CAMTA1: variants seen among roughly 807,000 people sequenced by gnomAD.
CAMTA1 encodes calmodulin-binding transcription activator 1.
CAMTA1 carries 27 observed loss-of-function variants against 170.9 expected under a neutral mutation model. The observed-to-expected ratio is 0.16, with a 90% CI of 0.12 to 0.22. CAMTA1 has a LOEUF of 0.22. Among genes scored for constraint, CAMTA1 ranks in the 10% least tolerant of loss-of-function variants. The pLI, the probability that CAMTA1 is intolerant of heterozygous loss-of-function variation, is 1.00. For synonymous variants in CAMTA1, 833 were observed against 891.5 expected, an observed-to-expected ratio of 0.93 and a Z score of 1.17; for missense variants, 1,619 against 2,217.2, an observed-to-expected ratio of 0.73 and a Z score of 5.42.
chr1:7,318,921 C>T (rs1677947570), intron 5 of CAMTA1, among the ~76,000 whole-genome samples: 1 of 152,186 alleles, frequency 6.6e-6, no homozygotes, highest in Non-Finnish European at 1.5e-5. Flanking sequence ...AAACCGGGAA[C>T]ATATGAAGGC....
intron 3 of CAMTA1, among the ~76,000 whole-genome samples, chr1:6,914,933 C>T (rs984343507): frequency 1.3e-5 from 2 of 152,226 alleles, no homozygotes; most frequent in Admixed American, 1.3e-4. Context: ...AGAATCACTG[C>T]TGAATTCTAA....
chr1:7,713,635 C>T (rs2096587764), intron 11 of CAMTA1, among the ~76,000 whole-genome samples: 1 of 152,128 alleles, frequency 6.6e-6, no homozygotes, highest in Non-Finnish European at 1.5e-5. Context: ...ATCAATAGCT[C>T]GTGGGAAATG....
intron 3 of CAMTA1, among the ~76,000 whole-genome samples, chr1:6,980,385 C>T (rs972796065): frequency 5.9e-5 from 9 of 152,160 alleles, no homozygotes; most frequent in African/African-American, 4.8e-5. Context: ...TTTAGGGACT[C>T]TGCACTGCAT....
chr1:7,025,036 A>G (rs1452295987), intron 3 of CAMTA1, among the ~76,000 whole-genome samples: 1 of 152,234 alleles, frequency 6.6e-6, no homozygotes, highest in Non-Finnish European at 1.5e-5. Context: ...TGCTGGATTA[A>G]TAACCTGGGG....
intron 7 of CAMTA1, 21 bp from the exon 8 acceptor site, chr1:7,661,705 C>A (rs747160757): frequency 1.9e-6 from 3 of 1,613,802 alleles, no homozygotes; most frequent in Non-Finnish European, 8.5e-7. Flanking sequence ...TCTGACAGCC[C>A]CCCTGCCTCT....
chr1:7,649,796 TG>T (rs1027119257), intron 7 of CAMTA1, among the ~76,000 whole-genome samples: 6 of 152,286 alleles, frequency 3.9e-5, no homozygotes, highest in Admixed American at 6.5e-5. Context: ...GCCCCTGTGC[TG>T]GTGTTGGGGA....
chr1:7,409,871 T>G (rs2090585480), intron 5 of CAMTA1, among the ~76,000 whole-genome samples: 1 of 152,194 alleles, frequency 6.6e-6, no homozygotes, highest in South Asian at 2.1e-4. Flanking sequence ...GACAAATCAT[T>G]GCAGGGTCTT....
At chr1:7,230,319 A>C (rs1662497724) in intron 4 of CAMTA1, among the ~76,000 whole-genome samples, 1 of 151,806 alleles carries the variant, frequency 6.6e-6, no homozygotes, top group Admixed American at 6.6e-5. Flanking sequence ...GTGGAAGAGG[A>C]AGAAAGAGTC....
intron 3 of CAMTA1, among the ~76,000 whole-genome samples, chr1:6,866,195 T>G (rs1666512115): frequency 6.6e-6 from 1 of 152,216 alleles, no homozygotes; most frequent in African/African-American, 2.4e-5. Flanking sequence ...CCTGGAAGAT[T>G]TATCAAAAAC....
intron 4 of CAMTA1, among the ~76,000 whole-genome samples, chr1:7,162,128 G>A (rs1647321366): frequency 6.6e-6 from 1 of 152,300 alleles, no homozygotes; most frequent in Non-Finnish European, 1.5e-5. Flanking sequence ...TAGAAAGAAG[G>A]CCAGGGCTTC....
At chr1:7,701,338 C>T (rs764556595) in intron 11 of CAMTA1, among the ~76,000 whole-genome samples, 2 of 152,198 alleles carry the variant, frequency 1.3e-5, no homozygotes, top group Non-Finnish European at 2.9e-5. Flanking sequence ...TCCTCCTCTG[C>T]AACAGGATCC....
chr1:7,522,993 A>C (rs924043102), intron 6 of CAMTA1, among the ~76,000 whole-genome samples: 2 of 152,114 alleles, frequency 1.3e-5, no homozygotes, highest in Non-Finnish European at 2.9e-5. Flanking sequence ...CAGCCTTCTG[A>C]GTAGCTAGAA....
chr1:7,518,491 C>A (rs533982849), intron 6 of CAMTA1, among the ~76,000 whole-genome samples: 1 of 152,016 alleles, frequency 6.6e-6, no homozygotes, highest in Admixed American at 6.5e-5. Context: ...GAAGTCCCCC[C>A]ACGGGGCAGT....
chr1:7,203,459 G>A (rs1328727421), intron 4 of CAMTA1, among the ~76,000 whole-genome samples: 7 of 148,668 alleles, frequency 4.7e-5, no homozygotes, highest in Non-Finnish European at 7.4e-5. Flanking sequence ...GTGGTAAAGC[G>A]ACCTGGGCAT....
At chr1:7,215,366 A>G (rs1200888168) in intron 4 of CAMTA1, among the ~76,000 whole-genome samples, 1 of 152,218 alleles carries the variant, frequency 6.6e-6, no homozygotes, top group Non-Finnish European at 1.5e-5. Context: ...TGTTTTAAAT[A>G]TGTCTCATAA....
At chr1:6,914,289 A>T (rs1334334371) in intron 3 of CAMTA1, among the ~76,000 whole-genome samples, 1 of 151,982 alleles carries the variant, frequency 6.6e-6, no homozygotes, top group Non-Finnish European at 1.5e-5. Context: ...TTTTTAGTAG[A>T]GATGGGGTTT....
chr1:7,259,334 C>T (rs539570160), intron 5 of CAMTA1, among the ~76,000 whole-genome samples: 126 of 152,276 alleles, frequency 8.3e-4, no homozygotes, highest in Middle Eastern at 3.4e-3. Flanking sequence ...AACCTGAGAC[C>T]GGCGCAAATA....
rs200985898 is a variant in CAMTA1 at position 6,847,866 on chromosome 1, C to T, written c.234+22656C>T. ...TTACAGGCACGCATGTGGCACCCAG[C>T]TAATTTTTTTTTTTTTTTGTATTTT... On this transcript the variant is annotated intron_variant, in intron 3 of 22. Transcript: ENST00000303635. 3.0e-4 allele frequency among the ~76,000 whole-genome samples: 41 copies of T among 136,406 alleles called. No homozygotes were observed. In the East Asian group the frequency reaches 7.9e-3, roughly 26 times the overall value. 89.5% of individuals were successfully genotyped at this position (136,406 alleles called of 152,430 possible). A position where few individuals can be genotyped will look rare whatever the true frequency, so the allele number is the denominator to read the frequency against.
At chr1:6,912,345 C>A (rs1679901152) in intron 3 of CAMTA1, among the ~76,000 whole-genome samples, 1 of 152,172 alleles carries the variant, frequency 6.6e-6, no homozygotes, top group South Asian at 2.1e-4. Context: ...CCCTTTGTTT[C>A]TGAATGAGAA....
Sources: gnomAD v4.1 joint callset for allele counts (sites outside exome capture counted in the v4.1 genomes callset) on GRCh38, gnomAD v4.1.1 for gene constraint, MANE v1.5 for transcripts, NCBI Gene and HGNC (gene_info 2026-07-23, HGNC 2026-07-21) for gene names.